ADAMTS6: variants seen among roughly 807,000 people sequenced by gnomAD.
The protein encoded by ADAMTS6 is A disintegrin and metalloproteinase with thrombospondin motifs 6.
Under a neutral mutation model 144.3 loss-of-function variants are expected in ADAMTS6, and 23 were observed. That is an observed-to-expected ratio of 0.16 (90% CI 0.11 to 0.23). The LOEUF (loss-of-function observed/expected upper bound fraction) is 0.23. ADAMTS6 is among the 10% of genes least tolerant of loss of function. The pLI, the probability that ADAMTS6 is intolerant of heterozygous loss-of-function variation, is 1.00. For synonymous variants in ADAMTS6, 444 were observed against 457.5 expected (o/e 0.97, Z 0.38); for missense variants, 999 against 1,379.6 (o/e 0.72, Z 4.37).
chr5:65,228,071 C>A (rs554148914), intron 15 of ADAMTS6, among the ~76,000 whole-genome samples: 1 of 152,016 alleles, frequency 6.6e-6, no homozygotes, highest in Non-Finnish European at 1.5e-5. Context: ...TAATTTCTTC[C>A]CAAACTGATA....
intron 7 of ADAMTS6, among the ~76,000 whole-genome samples, chr5:65,404,983 G>C (rs917167835): frequency 6.6e-6 from 1 of 152,136 alleles, no homozygotes; most frequent in East Asian, 1.9e-4. Context: ...CCCACTTTTT[G>C]ATGGGGTTGT....
chr5:65,216,460 ATGGATATGG>A (rs371047759), intron 18 of ADAMTS6, among the ~76,000 whole-genome samples: 1 of 152,130 alleles, frequency 6.6e-6, no homozygotes, highest in African/African-American at 2.4e-5. Context: ...CACCTGCTTA[ATGGATATGG>A]GTTTTTTTCT....
chr5:65,261,508 G>A (rs774751380), intron 13 of ADAMTS6, among the ~76,000 whole-genome samples: 6 of 151,990 alleles, frequency 3.9e-5, no homozygotes, highest in African/African-American at 7.2e-5. Context: ...TTGAACTTAC[G>A]TTAGTTATTC....
chr5:65,186,641 T>A (rs1477132715), intron 22 of ADAMTS6, among the ~76,000 whole-genome samples: 1 of 152,150 alleles, frequency 6.6e-6, no homozygotes, highest in African/African-American at 2.4e-5. Context: ...ATCTTTCAAA[T>A]CAATTAGGAG....
intron 22 of ADAMTS6, among the ~76,000 whole-genome samples, chr5:65,187,320 C>T (rs1017325307): frequency 5.3e-5 from 8 of 152,078 alleles, no homozygotes; most frequent in Admixed American, 1.3e-4. Context: ...TTCTGAGTGG[C>T]TCTGGATTTT....
chr5:65,235,147 T>C (rs1021822084), intron 15 of ADAMTS6, among the ~76,000 whole-genome samples: 2 of 152,182 alleles, frequency 1.3e-5, no homozygotes, highest in African/African-American at 2.4e-5. Flanking sequence ...AGATCTAATA[T>C]AGTATAGTTA....
intron 7 of ADAMTS6, among the ~76,000 whole-genome samples, chr5:65,367,563 TA>T (rs1024060222): frequency 1.3e-5 from 2 of 152,158 alleles, no homozygotes; most frequent in Admixed American, 1.3e-4. Flanking sequence ...CACTATCTCC[TA>T]GGGGCAATTT....
intron 12 of ADAMTS6, among the ~76,000 whole-genome samples, chr5:65,272,821 T>C (rs945321495): frequency 4.0e-5 from 6 of 151,240 alleles, no homozygotes; most frequent in African/African-American, 1.5e-4. Context: ...CTTAGGAGGC[T>C]GAGGTGGGAG....
chr5:65,452,651 T>C, intron 5 of ADAMTS6, 56 bp downstream of exon 5: 1 of 1,572,538 alleles, frequency 6.4e-7, no homozygotes, highest in Non-Finnish European at 8.7e-7. Flanking sequence ...TTTATGACCT[T>C]AGTCAAAAAC....
chr5:65,299,716 C>G (rs1743179491), intron 10 of ADAMTS6, among the ~76,000 whole-genome samples: 1 of 152,048 alleles, frequency 6.6e-6, no homozygotes, highest in South Asian at 2.1e-4. Flanking sequence ...TGAATGCTTT[C>G]TGAAATTGTC....
In ADAMTS6 at chr5:65,460,201, A is replaced by C; in HGVS notation, c.600T>G (p.His200Gln). The C allele has an allele frequency of 6.2e-7, 1 of 1,614,074 alleles. No individual in the cohort carries two copies. The highest frequency in any genetic ancestry group is 8.5e-7 in the Non-Finnish European group (1 of 1,179,958). Residue 200 changes from histidine (H) to glutamine (Q), a missense_variant, in exon 4 of 25, where the codon CAT (histidine) becomes CAG (glutamine). This residue lies in a region of ADAMTS6 where 252 missense variants were observed against 293.7 expected (regional missense o/e 0.86). Transcript: ENST00000381055. ...IYKKSALQQRHLYDHSHCGVS... is the reference protein window; with the variant it reads ...IYKKSALQQRQLYDHSHCGVS... ...CCCCACAATGAGAGTGATCATACAG[A>C]TGTCGTTGTTGAAGGGCAGACTTTT...
chr5:65,284,528 A>G (rs1302531827), intron 11 of ADAMTS6, among the ~76,000 whole-genome samples: 1 of 152,122 alleles, frequency 6.6e-6, no homozygotes, highest in Non-Finnish European at 1.5e-5. Context: ...TAGATTTCTT[A>G]CTATAAATTA....
At chr5:65,452,058 T>C in intron 6 of ADAMTS6, 75 bp downstream of exon 6, 1 of 1,144,262 alleles carries the variant, frequency 8.7e-7, no homozygotes, top group Non-Finnish European at 1.2e-6. Flanking sequence ...AAACATATTA[T>C]TTAATAATAA....
At chr5:65,273,275 T>C (rs1762196523) in intron 12 of ADAMTS6, 65 bp downstream of exon 12, 8 of 1,362,870 alleles carry the variant, frequency 5.9e-6, no homozygotes, top group Non-Finnish European at 8.3e-6. Context: ...GGTGGTTGAA[T>C]ATCAGTACCA....
chr5:65,466,997 G>A (rs560743488), intron 3 of ADAMTS6, among the ~76,000 whole-genome samples: 15 of 150,586 alleles, frequency 1.0e-4, no homozygotes, highest in African/African-American at 3.4e-4. Flanking sequence ...AGCCAAGATT[G>A]CGCCACTGCA....
At chr5:65,288,399 A>G (rs781194288) in intron 11 of ADAMTS6, among the ~76,000 whole-genome samples, 1 of 150,732 alleles carries the variant, frequency 6.6e-6, no homozygotes, top group Non-Finnish European at 1.5e-5. Context: ...GGCTCACTGC[A>G]ACCTCCGCTT....
chr5:65,260,850 A>T (rs574016260), intron 13 of ADAMTS6, among the ~76,000 whole-genome samples, 187 bp from the exon 14 acceptor site: 1 of 152,204 alleles, frequency 6.6e-6, no homozygotes, highest in Non-Finnish European at 1.5e-5. Context: ...CATAAAAATT[A>T]AGGCAGTTTA....
At chr5:65,156,337 C>CA (rs1752417420) in intron 24 of ADAMTS6, among the ~76,000 whole-genome samples, 1 of 151,042 alleles carries the variant, frequency 6.6e-6, no homozygotes, top group African/African-American at 2.4e-5. Flanking sequence ...ACAAAACAAA[C>CA]AAAAAACCAA....
rs1460137369 is a variant in ADAMTS6, at chr5:65,398,844, GAAAGAA to G, written c.1073+52625_1073+52630del. Among the ~76,000 whole-genome samples the G allele has an allele frequency of 1.2e-3, 154 of 133,200 alleles. 2 individuals carry two copies. Among genetic ancestry groups the G allele is most frequent in the Middle Eastern group, 3.8e-3 (1 of 264 alleles). The allele number at this position is 133,200 out of a possible 152,430, so 87.4% of individuals were successfully genotyped here. ...AGAAAGAAAGAAAGAAAGAAAGAAA[GAAAGAA>G]AAAGAAAGAGAAAGAAAGAAAGAAA... On this transcript the variant is annotated intron_variant, in intron 7 of 24. Transcript: ENST00000381055.
Sources: allele counts gnomAD v4.1 joint callset (sites outside exome capture counted in the v4.1 genomes callset), GRCh38; gene constraint gnomAD v4.1.1; regional missense constraint gnomAD v4.1.1; transcripts MANE v1.5; gene names NCBI Gene and HGNC (gene_info 2026-07-23, HGNC 2026-07-21).